Variants in PPHLN1 observed in about 807,000 individuals in gnomAD.
The protein encoded by PPHLN1 is periphilin-1.
PPHLN1 carries 29 observed loss-of-function variants against 51.3 expected under a neutral mutation model. The observed-to-expected ratio is 0.57, with a 90% confidence interval of 0.42 to 0.77. PPHLN1 has a LOEUF of 0.77. Among genes scored for constraint, PPHLN1 ranks in the 30% least tolerant of loss-of-function variants. PPHLN1 has a pLI of 0.00. For missense variants in PPHLN1, 436 were observed against 438.4 expected (o/e 0.99, Z 0.05); for synonymous variants, 147 against 147.8 (o/e 0.99, Z 0.04).
chr12:42,349,545 G>C (rs1006029014), intron 2 of PPHLN1, among the ~76,000 whole-genome samples: 105 of 152,114 alleles, frequency 6.9e-4, no homozygotes, highest in African/African-American at 2.4e-3. Flanking sequence ...CTAGGCAGAG[G>C]ACCCTGCGGC....
At chr12:42,425,038 T>TTATGTATGTAAA (rs1555219757) in intron 9 of PPHLN1, among the ~76,000 whole-genome samples, 28 of 136,866 alleles carry the variant, frequency 2.0e-4, no homozygotes, top group African/African-American at 5.9e-4. Context: ...TTATTTTATT[T>TTATGTATGTAAA]TATGTATGTA....
downstream of PPHLN1, chr12:42,443,581 T>C (rs2083125467): frequency 6.6e-6 from 1 of 152,138 alleles, no homozygotes; most frequent in African/African-American, 2.4e-5. Flanking sequence ...ACACTGGCCT[T>C]TAAAGGGAGA....
chr12:42,441,790 G>T lies in PPHLN1; in HGVS notation c.*281G>T. 1 of 1,117,980 alleles carries T rather than the reference G, an allele frequency of 8.9e-7. No individual in the cohort carries two copies. The highest frequency in any genetic ancestry group is 1.1e-6 in the Non-Finnish European group (1 of 912,458). 69.3% of individuals were successfully genotyped at this position (1,117,980 alleles called of 1,614,324 possible). ...CTGCCTCAGCCTCTCAAAGTGTTGA[G>T]ATTACAGGCGTGAGCCACCGCTCCC... is the stretch of plus-strand genomic sequence containing the variant. On this transcript the variant is annotated 3_prime_UTR_variant, in exon 10 of 10. Transcript: ENST00000358314.
downstream of PPHLN1, chr12:42,446,890 G>T: frequency 2.5e-6 from 1 of 399,036 alleles, no homozygotes; most frequent in Non-Finnish European, 4.5e-6. Flanking sequence ...AGATAAGTTT[G>T]TTTACTTATG....
In PPHLN1 at chr12:42,338,085, C is replaced by T. The variant is rs575590882; in HGVS notation, c.72+2111C>T. On this transcript the variant is annotated intron_variant, in intron 2 of 9. Transcript: ENST00000358314. ...AGGCATGAGCCACTGCCACTGCACC[C>T]GCATCTAATTTTTGTATTTTTAGTA... Among the ~76,000 whole-genome samples the T allele has an allele frequency of 2.6e-5, 4 of 152,212 alleles. No individual in the cohort carries two copies. The South Asian group carries it at 6.2e-4, about 24-fold the overall frequency.
chr12:42,413,812 C>G (rs2080115087), intron 9 of PPHLN1, among the ~76,000 whole-genome samples: 2 of 152,062 alleles, frequency 1.3e-5, no homozygotes, highest in Admixed American at 6.6e-5. Flanking sequence ...ATCCGCCCAC[C>G]TCAGCCTCCC....
chr12:42,344,831 C>T (rs1195355261), intron 2 of PPHLN1, among the ~76,000 whole-genome samples: 1 of 151,530 alleles, frequency 6.6e-6, no homozygotes, highest in African/African-American at 2.4e-5. Context: ...GCCTCAGCCT[C>T]CCATATAGCT....
At chr12:42,380,096 G>T (rs1392491653) in intron 5 of PPHLN1, among the ~76,000 whole-genome samples, 1 of 152,016 alleles carries the variant, frequency 6.6e-6, no homozygotes, top group African/African-American at 2.4e-5. Context: ...TATCAAAACA[G>T]TGACATAAAG....
At chr12:42,402,758 G>A (rs1452657574) in intron 9 of PPHLN1, among the ~76,000 whole-genome samples, 1 of 152,124 alleles carries the variant, frequency 6.6e-6, no homozygotes, top group Non-Finnish European at 1.5e-5. Context: ...TTATGTGTCA[G>A]TCAGTAATTA....
chr12:42,445,817 G>C, downstream of PPHLN1: 3 of 831,774 alleles, frequency 3.6e-6, no homozygotes, highest in Non-Finnish European at 5.3e-6. Context: ...AAATTTAGAT[G>C]ATAAATTTCA....
chr12:42,387,398 AC>A, intron 6 of PPHLN1, 57 bp from the exon 7 acceptor site: 1 of 1,537,800 alleles, frequency 6.5e-7, no homozygotes, highest in Middle Eastern at 2.3e-4. Flanking sequence ...TTACAAAATT[AC>A]TTTATCAAAA....
chr12:42,418,211 C>CTTTTTTTTTTTTTT (rs60029170), intron 9 of PPHLN1, among the ~76,000 whole-genome samples: 2 of 98,378 alleles, frequency 2.0e-5, no homozygotes, highest in Admixed American at 1.2e-4. Context: ...TCCCGGCCCT[C>CTTTTTTTTTTTTTT]TTTTTTTTTT....
intron 4 of PPHLN1, among the ~76,000 whole-genome samples, chr12:42,356,048 G>A (rs141611657): frequency 1.3e-5 from 2 of 152,272 alleles, no homozygotes; most frequent in Admixed American, 6.5e-5. Flanking sequence ...GGAAAGAAAC[G>A]ATGGACACAT....
chr12:42,407,265 G>A (rs2079394434), intron 9 of PPHLN1, among the ~76,000 whole-genome samples: 1 of 152,206 alleles, frequency 6.6e-6, no homozygotes, highest in African/African-American at 2.4e-5. Context: ...GATATCTCAA[G>A]AAGTTGTAGT....
chr12:42,373,582 A>T (rs983431182), intron 4 of PPHLN1, among the ~76,000 whole-genome samples: 1 of 152,162 alleles, frequency 6.6e-6, no homozygotes, highest in Non-Finnish European at 1.5e-5. Context: ...GAAATTTAGT[A>T]TTCTTTAATG....
At chr12:42,383,834 A>T (rs2076957742) in intron 5 of PPHLN1, among the ~76,000 whole-genome samples, 1 of 151,920 alleles carries the variant, frequency 6.6e-6, no homozygotes, top group Non-Finnish European at 1.5e-5. Context: ...ACAAAAAAAA[A>T]TTAGCCAGGT....
intron 2 of PPHLN1, among the ~76,000 whole-genome samples, chr12:42,336,319 AT>A (rs912880777): frequency 6.6e-5 from 10 of 152,112 alleles, no homozygotes; most frequent in African/African-American, 1.9e-4. Flanking sequence ...GCTGTTACCT[AT>A]TTTTTTCTAT....
chr12:42,421,345 G>T (rs759721042), intron 9 of PPHLN1, among the ~76,000 whole-genome samples: 3 of 150,236 alleles, frequency 2.0e-5, no homozygotes, highest in Admixed American at 6.6e-5. Flanking sequence ...TTATTTTATT[G>T]ATTGATTGAT....
chr12:42,362,826 C>G (rs142395222), intron 4 of PPHLN1, among the ~76,000 whole-genome samples: 4 of 152,292 alleles, frequency 2.6e-5, no homozygotes, highest in Non-Finnish European at 5.9e-5. Flanking sequence ...CACATCTTGC[C>G]AAGATATGCA....
Sources: allele counts gnomAD v4.1 joint callset (sites outside exome capture counted in the v4.1 genomes callset), GRCh38; gene constraint gnomAD v4.1.1; transcripts MANE v1.5; gene names NCBI Gene and HGNC (gene_info 2026-07-23, HGNC 2026-07-21).